DCDC1: variants seen among roughly 807,000 people sequenced by gnomAD.
The protein encoded by DCDC1 is doublecortin domain-containing protein 1.
DCDC1 carries 200 observed loss-of-function variants against 178.3 expected under a neutral mutation model. The ratio of observed to expected loss-of-function variants is 1.12; its 90% confidence interval spans 1.00 to 1.26. DCDC1 has a LOEUF of 1.26. DCDC1 is among the 50% of genes most tolerant of loss of function. The pLI is 0.00. For synonymous variants in DCDC1, 690 were observed against 604.8 expected, an observed-to-expected ratio of 1.14 and a Z score of -2.07; for missense variants, 1,983 against 1,749.2, an observed-to-expected ratio of 1.13 and a Z score of -2.38.
chr11:31,035,143 T>C (rs1221631105), intron 20 of DCDC1, among the ~76,000 whole-genome samples: 1 of 152,228 alleles, frequency 6.6e-6, no homozygotes, highest in African/African-American at 2.4e-5. Flanking sequence ...GGAGATAATT[T>C]TAGACTTACA....
intron 11 of DCDC1, among the ~76,000 whole-genome samples, chr11:31,115,990 G>GC (rs997781405): frequency 7.7e-6 from 1 of 130,224 alleles, no homozygotes; most frequent in East Asian, 2.0e-4. Context: ...GTGGGGGGGG[G>GC]GGGGATGGGT....
chr11:31,102,910 C>T (rs541909898), intron 14 of DCDC1, among the ~76,000 whole-genome samples: 1 of 152,268 alleles, frequency 6.6e-6, no homozygotes, highest in African/African-American at 2.4e-5. Flanking sequence ...GGGTTAGAAT[C>T]CTGGCTCTAC....
chr11:31,137,871 C>T, intron 9 of DCDC1, 87 bp from the exon 10 acceptor site: 1 of 595,898 alleles, frequency 1.7e-6, no homozygotes. Flanking sequence ...TAAGCATAAT[C>T]ATGAATGTGA....
At chr11:30,960,144 T>A (rs1237067137) in intron 20 of DCDC1, among the ~76,000 whole-genome samples, 1 of 152,128 alleles carries the variant, frequency 6.6e-6, no homozygotes, top group African/African-American at 2.4e-5. Flanking sequence ...AAGTTGGGTG[T>A]TGGGGATGGA....
intron 9 of DCDC1, among the ~76,000 whole-genome samples, chr11:31,143,064 A>G (rs1319321869): frequency 4.6e-5 from 7 of 152,206 alleles, no homozygotes; most frequent in Non-Finnish European, 1.0e-4. Flanking sequence ...AGTAAAGTGC[A>G]ATATGGTTAA....
At chr11:30,903,794 A>G in intron 31 of DCDC1, 111 bp from the exon 32 acceptor site, 1 of 989,858 alleles carries the variant, frequency 1.0e-6, no homozygotes, top group Non-Finnish European at 1.4e-6. Context: ...TGAATTTGAG[A>G]AAATAGAAAG....
chr11:31,063,311 G>A (rs187894455), intron 20 of DCDC1, among the ~76,000 whole-genome samples: 1 of 152,024 alleles, frequency 6.6e-6, no homozygotes, highest in African/African-American at 2.4e-5. Flanking sequence ...CAGGGATCTA[G>A]AACTAGAAAT....
chr11:30,889,314 A>G (rs1453703952), intron 36 of DCDC1, among the ~76,000 whole-genome samples: 1 of 152,232 alleles, frequency 6.6e-6, no homozygotes, highest in African/African-American at 2.4e-5. Flanking sequence ...GTGGGTGGGA[A>G]GAACATGGCT....
chr11:31,128,412 A>G (rs1961953137), intron 10 of DCDC1, among the ~76,000 whole-genome samples: 2 of 152,090 alleles, frequency 1.3e-5, no homozygotes, highest in Admixed American at 1.3e-4. Context: ...ATTTTCACCC[A>G]TATAGTTTAC....
At chr11:30,904,848 G>C in intron 31 of DCDC1, 113 bp downstream of exon 31, 1 of 1,223,266 alleles carries the variant, frequency 8.2e-7, no homozygotes, top group South Asian at 1.4e-5. Context: ...GCTTTAACTG[G>C]TGAATCTGGC....
At chr11:31,132,432 G>T (rs1003547465) in intron 10 of DCDC1, among the ~76,000 whole-genome samples, 1 of 152,054 alleles carries the variant, frequency 6.6e-6, no homozygotes, top group African/African-American at 2.4e-5. Flanking sequence ...TACATAATAT[G>T]ATTTTTTTTC....
At chr11:31,327,097 C>T (rs1486087301) in intron 3 of DCDC1, among the ~76,000 whole-genome samples, 1 of 152,172 alleles carries the variant, frequency 6.6e-6, no homozygotes, top group African/African-American at 2.4e-5. Context: ...AAACCTCTCT[C>T]TGCCTTTGTT....
intron 21 of DCDC1, among the ~76,000 whole-genome samples, chr11:30,932,797 T>C (rs559012707): frequency 2.6e-5 from 4 of 152,138 alleles, no homozygotes; most frequent in Non-Finnish European, 5.9e-5. Context: ...AGTAGGTTTA[T>C]CAGACTTGAG....
chr11:30,916,455 T>C (rs1945843415), intron 26 of DCDC1, among the ~76,000 whole-genome samples: 2 of 152,154 alleles, frequency 1.3e-5, no homozygotes, highest in Admixed American at 1.3e-4. Flanking sequence ...TGTCATTTCA[T>C]TGGACATTGA....
chr11:31,201,694 G>A (rs1407753461), intron 9 of DCDC1, among the ~76,000 whole-genome samples: 1 of 151,934 alleles, frequency 6.6e-6, no homozygotes, highest in Non-Finnish European at 1.5e-5. Context: ...AATGCAAGAT[G>A]AAGTGTTAAA....
chr11:30,974,273 C>CAA (rs544088277), intron 20 of DCDC1, among the ~76,000 whole-genome samples: 3 of 100,372 alleles, frequency 3.0e-5, no homozygotes, highest in East Asian at 3.0e-4. Context: ...ACAGCTGCAT[C>CAA]AAAAAAAAAA....
intron 37 of DCDC1, 105 bp from the exon 38 acceptor site, chr11:30,878,816 G>T: frequency 9.2e-7 from 1 of 1,082,976 alleles, no homozygotes; most frequent in Non-Finnish European, 1.3e-6. Context: ...ACAAATCCTT[G>T]GCTCCCACCC....
chr11:31,175,494 C>T (rs1409413016), intron 9 of DCDC1, among the ~76,000 whole-genome samples: 1 of 152,210 alleles, frequency 6.6e-6, no homozygotes, highest in Non-Finnish European at 1.5e-5. Context: ...CTGGCCAGTG[C>T]ACCAAGCATA....
chr11:31,044,982 G>A (rs527947420), intron 20 of DCDC1, among the ~76,000 whole-genome samples: 19 of 152,226 alleles, frequency 1.2e-4, no homozygotes, highest in Admixed American at 5.9e-4. Context: ...CAGTGAGAGA[G>A]ATGTTATTAT....
Sources: allele counts gnomAD v4.1 joint callset (sites outside exome capture counted in the v4.1 genomes callset), GRCh38; gene constraint gnomAD v4.1.1; transcripts MANE v1.5; gene names NCBI Gene and HGNC (gene_info 2026-07-23, HGNC 2026-07-21).